Variants in LGSN observed in about 807,000 individuals in gnomAD.
The protein encoded by LGSN is lengsin.
LGSN carries 21 observed loss-of-function variants against 19.5 expected under a neutral mutation model. The observed-to-expected ratio is 1.07, with a 90% CI of 0.76 to 1.55. The LOEUF (loss-of-function observed/expected upper bound fraction) is 1.55, where lower values mean the gene tolerates loss of function less well. LGSN is among the 40% of genes most tolerant of loss of function. The pLI, the probability that LGSN is intolerant of heterozygous loss-of-function variation, is 0.00. For missense variants in LGSN, 673 were observed against 608.5 expected (o/e 1.11, Z -1.12); for synonymous variants, 257 against 215.6 (o/e 1.19, Z -1.68).
chr6:63,495,463 T>TCTTTTTC, the LGSN span, among the ~76,000 whole-genome samples: 1 of 101,334 alleles, frequency 9.9e-6, no homozygotes, highest in Non-Finnish European at 1.9e-5. Context: ...TTTCTTTTTT[T>TCTTTTTC]TTTTTTTTTT....
chr6:63,450,233 G>C, the LGSN span, among the ~76,000 whole-genome samples: 2 of 151,074 alleles, frequency 1.3e-5, 1 homozygote, highest in Non-Finnish European at 2.9e-5. Context: ...ATGGTGGTGA[G>C]CACCTGTAAT....
the LGSN span, among the ~76,000 whole-genome samples, chr6:63,557,035 G>A: frequency 6.6e-6 from 1 of 152,198 alleles, no homozygotes; most frequent in African/African-American, 2.4e-5. Flanking sequence ...CATGAAATAT[G>A]CTAGTTTCTT....
At chr6:63,331,336 G>A in the LGSN span, among the ~76,000 whole-genome samples, 5 of 152,132 alleles carry the variant, frequency 3.3e-5, no homozygotes, top group Non-Finnish European at 7.3e-5. Context: ...CTGCAGGATA[G>A]TACTGTAATT....
rs778553536 is a variant in LGSN, at chr6:63,280,061, A to G, written c.1490T>C (p.Ile497Thr). Residue 497 changes from isoleucine (I) to threonine (T), a missense_variant, in exon 4 of 4, where the codon ATA (isoleucine) becomes ACA (threonine). By Grantham distance (89) the Ile-to-Thr change is moderately conservative. Coordinates refer to ENST00000370657, the MANE Select transcript of LGSN (RefSeq NM_016571.3). ...TAAGAATTTATTTCTCTCTGCAGCT[A>G]TTTCTTCATTCTCCAACTCATATTT... ...MKKYELENEE[I>T]AAERNKFLEY... 5 of 1,611,692 alleles carry G rather than the reference A, an allele frequency of 3.1e-6. No homozygotes were observed. The highest frequency in any genetic ancestry group is 1.7e-5 in the Admixed American group (1 of 59,704).
chr6:63,565,149 A>G, the LGSN span, among the ~76,000 whole-genome samples: 1 of 151,904 alleles, frequency 6.6e-6, no homozygotes. Context: ...GGGAGCTACA[A>G]CTACAGGAAT....
chr6:63,483,917 G>T, the LGSN span, among the ~76,000 whole-genome samples: 1 of 151,662 alleles, frequency 6.6e-6, no homozygotes, highest in Admixed American at 6.6e-5. Flanking sequence ...GGTACTAGGG[G>T]TTAGCACTAA....
At chr6:63,461,030 A>G in the LGSN span, among the ~76,000 whole-genome samples, 2 of 152,174 alleles carry the variant, frequency 1.3e-5, no homozygotes, top group African/African-American at 4.8e-5. Context: ...GGCCACTGCC[A>G]TGCCATCTTG....
the LGSN span, among the ~76,000 whole-genome samples, chr6:63,341,094 A>T: frequency 2.0e-5 from 3 of 152,168 alleles, no homozygotes; most frequent in Admixed American, 6.5e-5. Flanking sequence ...CTTAGGCTAC[A>T]CTTGTTAGTG....
At chr6:63,500,612 G>A in the LGSN span, among the ~76,000 whole-genome samples, 1 of 152,180 alleles carries the variant, frequency 6.6e-6, no homozygotes, top group African/African-American at 2.4e-5. Context: ...GTAGGGATAG[G>A]GTTGCTCCAT....
intron 1 of LGSN, among the ~76,000 whole-genome samples, chr6:63,304,286 T>TGTTA (rs1211589017): frequency 6.6e-6 from 1 of 152,350 alleles, no homozygotes; most frequent in African/African-American, 2.4e-5. Flanking sequence ...GGGCATCATT[T>TGTTA]GTTAGTTCCC....
At chr6:63,479,657 A>C in the LGSN span, among the ~76,000 whole-genome samples, 1 of 152,114 alleles carries the variant, frequency 6.6e-6, no homozygotes, top group Non-Finnish European at 1.5e-5. Context: ...GGAGAATGGC[A>C]TGAACCCGGG....
chr6:63,284,881 T>C (rs184710343), intron 3 of LGSN, among the ~76,000 whole-genome samples: 155 of 152,300 alleles, frequency 1.0e-3, no homozygotes, highest in African/African-American at 3.5e-3. Context: ...GTGATAAAAG[T>C]GTAATATTTT....
chr6:63,404,258 C>T, the LGSN span, among the ~76,000 whole-genome samples: 1 of 152,068 alleles, frequency 6.6e-6, no homozygotes, highest in Non-Finnish European at 1.5e-5. Context: ...TTATGTACAA[C>T]TTAAAATACA....
the LGSN span, among the ~76,000 whole-genome samples, chr6:63,384,964 G>A: frequency 6.6e-6 from 1 of 152,180 alleles, no homozygotes; most frequent in South Asian, 2.1e-4. Flanking sequence ...ACTATGTGGG[G>A]ACACAGAGAA....
chr6:63,552,105 G>A, the LGSN span, among the ~76,000 whole-genome samples: 1 of 152,132 alleles, frequency 6.6e-6, no homozygotes, highest in Admixed American at 6.5e-5. Flanking sequence ...CTAGATCCCT[G>A]AGGAATCGCC....
At chr6:63,447,054 A>T in the LGSN span, among the ~76,000 whole-genome samples, 481 of 152,364 alleles carry the variant, frequency 3.2e-3, 2 homozygotes, top group Non-Finnish European at 5.2e-3. Context: ...CGTCTCAAAA[A>T]AATTAAAAAA....
At chr6:63,530,141 T>C in the LGSN span, among the ~76,000 whole-genome samples, 1 of 152,154 alleles carries the variant, frequency 6.6e-6, no homozygotes, top group African/African-American at 2.4e-5. Flanking sequence ...CAGAAGGAAG[T>C]CAAATTGGAA....
At chr6:63,343,551 A>G in the LGSN span, among the ~76,000 whole-genome samples, 2 of 152,164 alleles carry the variant, frequency 1.3e-5, no homozygotes, top group Admixed American at 6.5e-5. Flanking sequence ...TGAGTAGGGT[A>G]TGGGGAGCAT....
At chr6:63,502,363 G>A in the LGSN span, among the ~76,000 whole-genome samples, 1 of 152,060 alleles carries the variant, frequency 6.6e-6, no homozygotes, top group Non-Finnish European at 1.5e-5. Context: ...ACCTGCTAGG[G>A]CAATAATTCT....
Sources: allele counts gnomAD v4.1 joint callset (sites outside exome capture counted in the v4.1 genomes callset), GRCh38; gene constraint gnomAD v4.1.1; transcripts MANE v1.5; gene names NCBI Gene and HGNC (gene_info 2026-07-23, HGNC 2026-07-21).